NEB: variants seen among roughly 807,000 people sequenced by gnomAD.
NEB encodes nebulin, also known as nemaline myopathy type 2.
Under a neutral mutation model 952.2 loss-of-function variants are expected in NEB, and 512 were observed. That is an observed-to-expected ratio of 0.54 (90% CI 0.50 to 0.58). The LOEUF (loss-of-function observed/expected upper bound fraction) is 0.58. Ranked by LOEUF, NEB falls within the 20% of genes least tolerant of loss-of-function variation. The probability of loss-of-function intolerance (pLI) is 0.00; values close to 1 mark genes in which losing one functional copy is unlikely to be tolerated. For missense variants in NEB, 8,428 were observed against 9,231.1 expected, an observed-to-expected ratio of 0.91 and a Z score of 3.56; for synonymous variants, 2,900 against 3,149.8, an observed-to-expected ratio of 0.92 and a Z score of 2.66.
chr2:151,643,446 AG>A, intron 57 of NEB, 93 bp from the exon 58 acceptor site: 1 of 1,101,374 alleles, frequency 9.1e-7, no homozygotes, highest in Admixed American at 2.8e-5. Context: ...CCTAAATAAA[AG>A]TTCATATTAT....
rs763870394 is a variant in NEB at position 151,496,267 on chromosome 2, G to T, written c.24486+9C>A. The T allele has an allele frequency of 5.6e-6, 9 of 1,593,664 alleles. No individual in the cohort carries two copies. The highest frequency in any genetic ancestry group is 6.9e-6 in the Non-Finnish European group (8 of 1,165,704). Reference sequence around the variant, plus strand: ...CAGTAAGTAGTTTTTTTCTTTTCTCGCCAAGTACCGAGCTAATATTTTCTT... The same window carrying T: ...CAGTAAGTAGTTTTTTTCTTTTCTCTCCAAGTACCGAGCTAATATTTTCTT... On this transcript the variant is annotated intron_variant, in intron 173 of 181. Transcript: ENST00000397345.
rs142454476 is a variant in NEB at position 151,524,519 on chromosome 2, C to G, written c.22370G>C (p.Ser7457Thr). The G allele has an allele frequency of 5.8e-4, 929 of 1,613,978 alleles. 1 individual carries two copies. Among genetic ancestry groups the G allele is most frequent in the Non-Finnish European group, 7.5e-4 (888 of 1,179,854 alleles). Residue 7457 changes from serine to threonine, a missense_variant, in exon 152 of 182, where the codon AGT becomes ACT. Ser to Thr is a moderately conservative substitution (Grantham distance 58, BLOSUM62 1). Around this residue, in one of 11 missense-constraint regions of NEB, gnomAD observed 3,374 missense variants for 3,651.5 expected, o/e 0.92. Transcript: ENST00000397345. ...KKATQAAKQA[S>T]EVEYRAKHRK... is the part of the protein sequence containing the mutation. ...ACATTTTCATGACACCCTTACCTCA[C>G]TGGCCTGTTTGGCTGCCTGTGTGGC...
chr2:151,648,387 G>A (rs935092497), intron 54 of NEB, among the ~76,000 whole-genome samples: 4 of 152,186 alleles, frequency 2.6e-5, no homozygotes, highest in African/African-American at 4.8e-5. Flanking sequence ...ATTTCCATAT[G>A]TGTGTATCCC....
intron 124 of NEB, among the ~76,000 whole-genome samples, chr2:151,558,881 C>T (rs6733707): frequency 0.28 from 42,642 of 152,036 alleles, 6,236 homozygotes; most frequent in East Asian, 0.44. Flanking sequence ...TTTCAGGACA[C>T]AGGCATGGGC....
intron 135 of NEB, among the ~76,000 whole-genome samples, chr2:151,545,225 T>C (rs1209500149): frequency 6.6e-6 from 1 of 152,100 alleles, no homozygotes; most frequent in East Asian, 1.9e-4. Flanking sequence ...ATAGCAGGAA[T>C]TAAAGAGAAA....
At position 151,631,022 on chromosome 2, in the gene NEB, T is replaced by C. The variant is rs900183520; in HGVS notation, c.9618+121A>G. 3.7e-6 allele frequency: 5 copies of C among 1,359,634 alleles called. No homozygotes were observed. The African/African-American group carries it at 5.9e-5, about 16-fold the overall frequency. The allele number at this position is 1,359,634 out of a possible 1,614,324, so 84.2% of individuals were successfully genotyped here. A position where few individuals can be genotyped will look rare whatever the true frequency, so the allele number is the denominator to read the frequency against. ...AAAATTATTTAGAGGATTTCAAGCA[T>C]GTAATTTAAAAGGTAAAAATGCGAC... On this transcript the variant is annotated intron_variant, in intron 66 of 181. Transcript: ENST00000397345.
chr2:151,655,113 C>T (rs887152717), intron 51 of NEB, among the ~76,000 whole-genome samples, 157 bp downstream of exon 51: 4 of 152,182 alleles, frequency 2.6e-5, no homozygotes, highest in African/African-American at 9.7e-5. Flanking sequence ...GAAGCCTTTG[C>T]TCTTAAGCAC....
rs2153632752 is a variant in NEB, at chr2:151,549,629, C to T, written c.20049+7G>A. The T allele has an allele frequency of 3.2e-6, 5 of 1,565,434 alleles. No individual in the cohort carries two copies. Among genetic ancestry groups the T allele is most frequent in the Non-Finnish European group, 4.4e-6 (5 of 1,146,560 alleles). On this transcript the variant is annotated splice_region_variant and intron_variant, in intron 130 of 181. Transcript: ENST00000397345. ...AGACCCATCTCAATGAGGAGGAGAC[C>T]ACTCACATAACTGCTCATGTAACGG...
Position 151,665,478 on chromosome 2 carries a change from G to T in NEB, c.5093C>A (p.Ser1698Tyr). The change falls in exon 42 of 182, where the codon TCC becomes TAC. Residue 1698 changes from serine to tyrosine, a missense_variant. Physicochemically the swap from Ser to Tyr is moderately radical, Grantham distance 144 (BLOSUM62 -2). Transcript: ENST00000397345. ...MKGIGWVPIE[S>Y]LEVEKAKKAG... ...TTTCTTTGCCTTCTCCACCTCCAGG[G>T]ACTCTATGGGCACCCAGCCGATCCC... 6.2e-7 allele frequency: 1 copy of T among 1,612,840 alleles called. No individual in the cohort carries two copies. The highest frequency in any genetic ancestry group is 8.5e-7 in the Non-Finnish European group (1 of 1,179,506).
intron 78 of NEB, 110 bp from the exon 79 acceptor site, chr2:151,610,976 A>G: frequency 1.5e-6 from 1 of 654,578 alleles, no homozygotes; most frequent in Non-Finnish European, 2.6e-6. Context: ...ACATTTAACT[A>G]TAAAATAGCT....
At chr2:151,514,235 TG>T in intron 159 of NEB, 82 bp downstream of exon 159, 1 of 906,526 alleles carries the variant, frequency 1.1e-6, no homozygotes, top group Non-Finnish European at 1.8e-6. Context: ...TCTCTGTTTT[TG>T]TTTTGCTTTT....
intron 114 of NEB, 101 bp from the exon 115 acceptor site, chr2:151,565,921 C>G (rs545246394): frequency 7.0e-5 from 50 of 718,540 alleles, no homozygotes; most frequent in African/African-American, 6.6e-4. Flanking sequence ...AAGGATTTCT[C>G]TCTAGTAGTT....
intron 120 of NEB, 113 bp downstream of exon 120, chr2:151,562,498 A>T: frequency 8.9e-7 from 1 of 1,122,772 alleles, no homozygotes; most frequent in Non-Finnish European, 1.2e-6. Flanking sequence ...TTTGAGAAGC[A>T]GCAAGATTTA....
chr2:151,648,305 G>A (rs1338512368), intron 54 of NEB, among the ~76,000 whole-genome samples: 1 of 150,318 alleles, frequency 6.7e-6, no homozygotes, highest in Non-Finnish European at 1.5e-5. Context: ...TCCTGCACAT[G>A]TTTGTTATGG....
intron 62 of NEB, 123 bp from the exon 63 acceptor site, chr2:151,639,507 G>A (rs1049252501): frequency 3.0e-6 from 2 of 676,612 alleles, no homozygotes; most frequent in African/African-American, 1.8e-5. Flanking sequence ...CACATTATGT[G>A]TTTTATGCAC....
At chr2:151,514,182 G>T (rs1292473327) in intron 159 of NEB, 136 bp downstream of exon 159, 1 of 656,790 alleles carries the variant, frequency 1.5e-6, no homozygotes, top group Non-Finnish European at 2.7e-6. Flanking sequence ...TAACAATTAT[G>T]TTGATATGGA....
At position 151,579,446 on chromosome 2, in the gene NEB, C is replaced by G. The variant is rs199521496; in HGVS notation, c.16596G>C (p.Gln5532His). ...MVSISAAKEGQALASDVDYRH... is the reference protein window; with the variant it reads ...MVSISAAKEGHALASDVDYRH... Reference sequence around the variant, plus strand: ...GATAGTCCACATCACTTGCCAGTGCCTGACCTTCTTTGGCAGCGCTGATGG... The same window carrying G: ...GATAGTCCACATCACTTGCCAGTGCGTGACCTTCTTTGGCAGCGCTGATGG... Residue 5532 changes from glutamine (Q) to histidine (H), a missense_variant, in exon 105 of 182, where the codon CAG becomes CAC. Gln to His is a conservative substitution (Grantham distance 24). This residue lies in a region of NEB where 19 missense variants were observed against 49.3 expected (regional missense o/e 0.39). Transcript: ENST00000397345. 108 of 1,529,256 alleles carry G rather than the reference C, an allele frequency of 7.1e-5. 1 individual carries two copies. The highest frequency in any genetic ancestry group is 2.3e-4 in the Middle Eastern group (1 of 4,358). The allele number at this position is 1,529,256 out of a possible 1,614,324, so 94.7% of individuals were successfully genotyped here.
Position 151,639,947 on chromosome 2 carries a change from A to G in NEB, c.8799T>C (p.Tyr2933=), listed in dbSNP as rs375997049. 1.8e-5 allele frequency: 29 copies of G among 1,613,884 alleles called. No homozygotes were observed. The African/African-American group carries it at 3.5e-4, about 19-fold the overall frequency. ...ATTTGAATCTGTCTGGAGGCTGGCG[A>G]TAGATTTTATCACTCAAAATTTCAG... ...RATEILSDKI[Y]RQPPDRFKFT... Residue 2933 remains tyrosine (Y), a synonymous_variant, in exon 62 of 182, where the codon TAT becomes TAC. Transcript: ENST00000397345.
At chr2:151,729,512 T>TAATC (rs2099800602) in intron 4 of NEB, 103 bp downstream of exon 4, 1 of 1,298,980 alleles carries the variant, frequency 7.7e-7, no homozygotes, top group African/African-American at 1.5e-5. Context: ...CTCTGTCAGA[T>TAATC]AATCCCTTTT....
Sources: gnomAD v4.1 joint callset for allele counts (sites outside exome capture counted in the v4.1 genomes callset) on GRCh38, gnomAD v4.1.1 for gene constraint, gnomAD v4.1.1 regional missense constraint, MANE v1.5 for transcripts, NCBI Gene and HGNC (gene_info 2026-07-23, HGNC 2026-07-21) for gene names.